Variants in SH2D4A observed in about 807,000 individuals in gnomAD.
The protein encoded by SH2D4A is SH2 domain containing 4A.
SH2D4A carries 70 observed loss-of-function variants against 64.7 expected under a neutral mutation model. The ratio of observed to expected loss-of-function variants is 1.08; its 90% CI spans 0.89 to 1.32. The LOEUF (loss-of-function observed/expected upper bound fraction) is 1.32, where lower values mean the gene tolerates loss of function less well. SH2D4A is among the 40% of genes most tolerant of loss of function. The pLI is 0.00. For missense variants in SH2D4A, 706 were observed against 540.1 expected, an observed-to-expected ratio of 1.31 and a Z score of -3.04; for synonymous variants, 268 against 200.7, an observed-to-expected ratio of 1.34 and a Z score of -2.83.
intron 4 of SH2D4A, among the ~76,000 whole-genome samples, chr8:19,354,560 C>CAGTG (rs1424635246): frequency 6.6e-6 from 1 of 152,018 alleles, no homozygotes; most frequent in Non-Finnish European, 1.5e-5. Context: ...CATGCAAAGG[C>CAGTG]AGTGAGCATG....
chr8:19,366,796 A>T (rs145728119), intron 7 of SH2D4A, among the ~76,000 whole-genome samples: 74 of 152,302 alleles, frequency 4.9e-4, no homozygotes, highest in Non-Finnish European at 5.4e-4. Flanking sequence ...TGTCTCAACA[A>T]CAACAAAAAA....
rs775821185 is a variant in SH2D4A, at chr8:19,393,445, A to T, written c.1176A>T (p.Lys392Asn). 1.5e-5 allele frequency: 24 copies of T among 1,614,116 alleles called. No individual in the cohort carries two copies. The highest frequency in any genetic ancestry group is 1.6e-4 in the Middle Eastern group (1 of 6,084). ...ALSYLSEDGC[K>N]HFLIDASADA... Reference sequence around the variant, plus strand: ...CCTATCTGTCGGAGGACGGCTGTAAACATTTCCTCATCGATGCCTCTGCAG... The same window carrying T: ...CCTATCTGTCGGAGGACGGCTGTAATCATTTCCTCATCGATGCCTCTGCAG... Residue 392 changes from lysine to asparagine, a missense_variant, in exon 9 of 10, where the codon AAA becomes AAT. By Grantham distance (94) the Lys-to-Asn change is moderately conservative (BLOSUM62 0). Transcript: ENST00000265807.
At chr8:19,346,743 A>G (rs2052619860) in intron 4 of SH2D4A, among the ~76,000 whole-genome samples, 1 of 152,150 alleles carries the variant, frequency 6.6e-6, no homozygotes, top group Non-Finnish European at 1.5e-5. Context: ...AGCCGATAAA[A>G]TGTATAAATA....
intron 8 of SH2D4A, among the ~76,000 whole-genome samples, chr8:19,376,158 C>T (rs1172240395): frequency 6.6e-6 from 1 of 152,100 alleles, no homozygotes; most frequent in Non-Finnish European, 1.5e-5. Flanking sequence ...GGAGGGAAGG[C>T]TGGAGATGCG....
intron 4 of SH2D4A, among the ~76,000 whole-genome samples, chr8:19,345,063 C>G (rs1253951475): frequency 6.6e-6 from 1 of 152,190 alleles, no homozygotes; most frequent in African/African-American, 2.4e-5. Flanking sequence ...TTGACTTTGT[C>G]TCTGCAGGTC....
chr8:19,371,748 T>A (rs2053102756), intron 7 of SH2D4A, among the ~76,000 whole-genome samples: 1 of 152,200 alleles, frequency 6.6e-6, no homozygotes, highest in Non-Finnish European at 1.5e-5. Context: ...TTTCTTCATG[T>A]CATTGTTTTC....
Position 19,394,581 on chromosome 8 carries a change from T to G in SH2D4A, c.1304T>G (p.Leu435Arg). The G allele has an allele frequency of 6.2e-7, 1 of 1,607,918 alleles. No individual in the cohort carries two copies. The highest frequency in any genetic ancestry group is 1.7e-4 in the Middle Eastern group (1 of 6,042). The part of the protein sequence containing the change: ...EEPITSLGKE[L>R]LLYPCGQQDQ... ...CCCATCACTTCCCTGGGGAAGGAGCTCCTTCTCTATCCCTGTGGTCAGCAG... is the reference window on the plus strand; with the variant it reads ...CCCATCACTTCCCTGGGGAAGGAGCGCCTTCTCTATCCCTGTGGTCAGCAG... Residue 435 changes from leucine (L) to arginine (R), a missense_variant, in exon 10 of 10, where the codon CTC (leucine) becomes CGC (arginine). By Grantham distance (102) the Leu-to-Arg change is moderately radical (BLOSUM62 -2). Transcript: ENST00000265807.
chr8:19,379,874 C>CT (rs1353586844), intron 8 of SH2D4A, among the ~76,000 whole-genome samples: 1 of 152,076 alleles, frequency 6.6e-6, no homozygotes, highest in Admixed American at 6.6e-5. Flanking sequence ...GCAGCTGGAA[C>CT]TACAAGTTCC....
chr8:19,332,043 T>G (rs550707631), intron 2 of SH2D4A, among the ~76,000 whole-genome samples: 1 of 152,166 alleles, frequency 6.6e-6, no homozygotes, highest in African/African-American at 2.4e-5. Flanking sequence ...CATTCCTAAC[T>G]ACTATGAGCT....
intron 8 of SH2D4A, among the ~76,000 whole-genome samples, chr8:19,382,534 C>G (rs964023059): frequency 3.9e-5 from 6 of 152,068 alleles, no homozygotes; most frequent in Non-Finnish European, 7.4e-5. Context: ...GATGATTTTG[C>G]CAAACTGTAG....
intron 4 of SH2D4A, among the ~76,000 whole-genome samples, chr8:19,342,546 C>G (rs753910016): frequency 6.6e-6 from 1 of 152,148 alleles, no homozygotes; most frequent in Admixed American, 6.5e-5. Context: ...GAAAGATGTA[C>G]ATTCAACATG....
At chr8:19,318,137 C>T (rs1032121369) in intron 1 of SH2D4A, among the ~76,000 whole-genome samples, 2 of 152,156 alleles carry the variant, frequency 1.3e-5, no homozygotes, top group African/African-American at 2.4e-5. Context: ...AACTCCTGAC[C>T]TCGTGATCCC....
intron 8 of SH2D4A, among the ~76,000 whole-genome samples, chr8:19,385,807 C>T (rs2053381134): frequency 6.6e-6 from 1 of 152,140 alleles, no homozygotes; most frequent in African/African-American, 2.4e-5. Flanking sequence ...CTTAGCAGAC[C>T]TGAGTCACTA....
intron 2 of SH2D4A, among the ~76,000 whole-genome samples, chr8:19,331,484 C>T (rs75155302): frequency 0.011 from 1,700 of 152,278 alleles, 39 homozygotes; most frequent in African/African-American, 0.039. Flanking sequence ...GTACGCTCCA[C>T]CTGCCCCCGG....
At chr8:19,317,494 G>A (rs1402759569) in intron 1 of SH2D4A, among the ~76,000 whole-genome samples, 3 of 85,262 alleles carry the variant, frequency 3.5e-5, no homozygotes, top group South Asian at 4.8e-4. Context: ...GCAGTCAGTA[G>A]GGATAGGTGT....
At chr8:19,392,688 C>A (rs1174314672) in intron 8 of SH2D4A, among the ~76,000 whole-genome samples, 1 of 152,118 alleles carries the variant, frequency 6.6e-6, no homozygotes, top group African/African-American at 2.4e-5. Flanking sequence ...AACCGTCTAA[C>A]ACCTGTGTGT....
intron 4 of SH2D4A, among the ~76,000 whole-genome samples, chr8:19,335,127 C>CA (rs747342686): frequency 5.2e-4 from 76 of 145,820 alleles, no homozygotes; most frequent in South Asian, 8.7e-4. Context: ...ACTAAAAATA[C>CA]AAAAAAAAAA....
chr8:19,369,622 C>A (rs1465413080), intron 7 of SH2D4A, among the ~76,000 whole-genome samples: 1 of 151,916 alleles, frequency 6.6e-6, no homozygotes, highest in South Asian at 2.1e-4. Flanking sequence ...TGTTGACATA[C>A]AGTTGTTGAT....
At chr8:19,375,094 G>A (rs1281313304) in intron 8 of SH2D4A, 3 of 152,084 alleles carry the variant, frequency 2.0e-5, no homozygotes, top group South Asian at 4.1e-4. Flanking sequence ...TAAAAATCGA[G>A]TTGGAGGTTT....
Sources: allele counts gnomAD v4.1 joint callset (sites outside exome capture counted in the v4.1 genomes callset), GRCh38; gene constraint gnomAD v4.1.1; transcripts MANE v1.5; gene names NCBI Gene and HGNC (gene_info 2026-07-23, HGNC 2026-07-21).